CROCC2: variants seen among roughly 807,000 people sequenced by gnomAD.
CROCC2 encodes ciliary rootlet coiled-coil, rootletin family member 2, also known as ciliary rootlet coiled-coil protein 2.
A neutral mutation model predicts 177.6 loss-of-function variants in CROCC2; 163 were observed. The ratio of observed to expected loss-of-function variants is 0.92; its 90% CI spans 0.81 to 1.05. The LOEUF (loss-of-function observed/expected upper bound fraction) is 1.05. Ranked by LOEUF, CROCC2 falls within the 50% of genes least tolerant of loss-of-function variation. The pLI is 0.00. For synonymous variants in CROCC2, 904 were observed against 787.3 expected (o/e 1.15, Z -2.48); for missense variants, 1,929 against 1,797.8 (o/e 1.07, Z -1.32).
chr2:240,921,445 G>A (rs1326901659), intron 3 of CROCC2, among the ~76,000 whole-genome samples: 1 of 152,196 alleles, frequency 6.6e-6, no homozygotes, highest in Non-Finnish European at 1.5e-5. Flanking sequence ...GGGAGGCCTT[G>A]GGGGAGGCAT....
intron 20 of CROCC2, chr2:240,959,655 C>A: frequency 1.9e-6 from 1 of 537,224 alleles, no homozygotes; most frequent in Non-Finnish European, 3.1e-6. Flanking sequence ...CAAGCCCAGG[C>A]TCTCAGGGCA....
intron 14 of CROCC2, among the ~76,000 whole-genome samples, chr2:240,940,293 A>G (rs563836641): frequency 6.6e-6 from 1 of 152,148 alleles, no homozygotes; most frequent in Admixed American, 6.5e-5. Flanking sequence ...TTATTTCTTC[A>G]TGAGGAATTG....
At chr2:240,991,369 C>A (rs2059878448) in intron 31 of CROCC2, 91 bp downstream of exon 31, 7 of 1,173,954 alleles carry the variant, frequency 6.0e-6, no homozygotes, top group Non-Finnish European at 7.1e-6. Context: ...GCTGGAGGCC[C>A]TAGGCTGCTG....
chr2:240,935,946 A>G (rs2059467066), intron 14 of CROCC2, among the ~76,000 whole-genome samples: 3 of 152,196 alleles, frequency 2.0e-5, no homozygotes, highest in Admixed American at 6.5e-5. Flanking sequence ...GCGACTGCAC[A>G]TTCACTGGTG....
At chr2:240,932,227 G>T (rs905746368) in intron 7 of CROCC2, 91 bp from the exon 8 acceptor site, 1 of 643,292 alleles carries the variant, frequency 1.6e-6, no homozygotes, top group Non-Finnish European at 2.9e-6. Context: ...GGGGGCCACC[G>T]CACAAAGGAG....
chr2:240,968,100 C>A, intron 26 of CROCC2, 29 bp from the exon 27 acceptor site: 1 of 1,407,988 alleles, frequency 7.1e-7, no homozygotes. Flanking sequence ...GGCATGGGGG[C>A]CCCTCAAGCC....
intron 1 of CROCC2, among the ~76,000 whole-genome samples, chr2:240,909,973 C>T (rs368312435): frequency 7.2e-5 from 11 of 152,126 alleles, no homozygotes; most frequent in African/African-American, 1.2e-4. Context: ...TGGCTCTGGA[C>T]GGATGGCGAA....
At chr2:240,964,282 A>G in intron 21 of CROCC2, 184 bp from the exon 22 acceptor site, 1 of 680,240 alleles carries the variant, frequency 1.5e-6, no homozygotes, top group Non-Finnish European at 2.5e-6. Flanking sequence ...TGCGGCCGGC[A>G]CCGGGACCTG....
chr2:240,966,229 C>A lies in CROCC2; in HGVS notation c.3966C>A (p.Ser1322=). ...CTCCGCTGTCACCTCCCGCAGGCTC[C>A]GACAGCTCCCAGGCTCTCCCTGGGC... ...PEQPGSPTKG[S]DSSQALPGQQ... The change falls in exon 25 of 32, where the codon TCC becomes TCA. Residue 1322 remains serine, a synonymous_variant. Coordinates refer to ENST00000690015, the MANE Select transcript of CROCC2 (RefSeq NM_001351305.2). The A allele has an allele frequency of 1.2e-6, 1 of 861,180 alleles. No individual in the cohort carries two copies. The highest frequency in any genetic ancestry group is 1.5e-6 in the Non-Finnish European group (1 of 646,666). The allele number at this position is 861,180 out of a possible 1,614,324, so 53.3% of individuals were successfully genotyped here.
intron 1 of CROCC2, among the ~76,000 whole-genome samples, chr2:240,914,855 G>C (rs185064681): frequency 2.6e-5 from 4 of 152,198 alleles, no homozygotes; most frequent in African/African-American, 9.6e-5. Context: ...GCCCCTGACC[G>C]TCCCTGCTTC....
At chr2:240,907,624 A>T (rs908565333) in intron 1 of CROCC2, among the ~76,000 whole-genome samples, 1 of 152,174 alleles carries the variant, frequency 6.6e-6, no homozygotes, top group South Asian at 2.1e-4. Flanking sequence ...TTGCTCACAC[A>T]CAGGGCTGCA....
At chr2:240,951,615 A>C (rs2059557300) in intron 18 of CROCC2, among the ~76,000 whole-genome samples, 1 of 151,740 alleles carries the variant, frequency 6.6e-6, no homozygotes, top group African/African-American at 2.4e-5. Flanking sequence ...AGTTCATTTG[A>C]CTATCCATCC....
At chr2:240,971,569 C>T (rs1406618890) in intron 27 of CROCC2, among the ~76,000 whole-genome samples, 1 of 152,102 alleles carries the variant, frequency 6.6e-6, no homozygotes, top group Non-Finnish European at 1.5e-5. Flanking sequence ...AGCCAGAGGC[C>T]TCCTTGTTTT....
At chr2:240,910,128 G>A (rs922542117) in intron 1 of CROCC2, among the ~76,000 whole-genome samples, 13 of 152,148 alleles carry the variant, frequency 8.5e-5, no homozygotes, top group African/African-American at 3.1e-4. Context: ...ATGTAAAGGG[G>A]CAGGCTTGGA....
intron 17 of CROCC2, among the ~76,000 whole-genome samples, chr2:240,950,053 C>T (rs761129248): frequency 7.2e-5 from 11 of 152,190 alleles, no homozygotes; most frequent in Admixed American, 6.5e-4. Context: ...CCTGGTTTGA[C>T]ATGTCTTTAC....
chr2:240,920,440 G>A (rs574277132), intron 3 of CROCC2, among the ~76,000 whole-genome samples: 28 of 152,296 alleles, frequency 1.8e-4, no homozygotes, highest in African/African-American at 3.1e-4. Flanking sequence ...GCACCTGCCC[G>A]GGAGCCCTGT....
At chr2:240,983,561 C>T in intron 28 of CROCC2, 5 of 1,276,292 alleles carry the variant, frequency 3.9e-6, no homozygotes, top group Non-Finnish European at 5.1e-6. Flanking sequence ...CGCGGCGCTG[C>T]GCGCTCAGCT....
At position 240,922,982 on chromosome 2, in the gene CROCC2, C is replaced by T. The variant is rs535032661; in HGVS notation, c.488+337C>T. Among the ~76,000 whole-genome samples, 6 of 152,216 alleles carry T rather than the reference C, an allele frequency of 3.9e-5. No homozygotes were observed. In the South Asian group the frequency reaches 6.2e-4, roughly 16 times the overall value. On this transcript the variant is annotated intron_variant, in intron 4 of 31. Coordinates refer to ENST00000690015, the MANE Select transcript of CROCC2 (RefSeq NM_001351305.2). ...CGTGGGCCTCTCACGCAACCAGGCACCACCGTCCCAGCCTCTGAGAGCGGC... is the reference window on the plus strand; with the variant it reads ...CGTGGGCCTCTCACGCAACCAGGCATCACCGTCCCAGCCTCTGAGAGCGGC...
At position 240,991,191 on chromosome 2, in the gene CROCC2, C is replaced by A. The variant is rs2059877003; in HGVS notation, c.4864-5C>A. Reference sequence around the variant, plus strand: ...ACCTGACCTGAGCCACTGTCCTGTCCCCAGGTGGCCAGCCTGAAGGAGCAA... The same window carrying A: ...ACCTGACCTGAGCCACTGTCCTGTCACCAGGTGGCCAGCCTGAAGGAGCAA... On this transcript the variant is annotated splice_region_variant and splice_polypyrimidine_tract_variant and intron_variant, in intron 30 of 31. Coordinates refer to ENST00000690015, the MANE Select transcript of CROCC2 (RefSeq NM_001351305.2). The A allele has an allele frequency of 6.5e-7, 1 of 1,545,052 alleles. No homozygotes were observed. Among genetic ancestry groups the A allele is most frequent in the African/African-American group, 1.4e-5 (1 of 72,980 alleles).
Sources: allele counts gnomAD v4.1 joint callset (sites outside exome capture counted in the v4.1 genomes callset), GRCh38; gene constraint gnomAD v4.1.1; transcripts MANE v1.5; gene names NCBI Gene and HGNC (gene_info 2026-07-23, HGNC 2026-07-21).